The following KLF12 variants were observed in gnomAD, a reference collection of about 807,000 sequenced individuals.
KLF12 encodes KLF transcription factor 12, also known as Krueppel-like factor 12.
Under a neutral mutation model 37.8 loss-of-function variants are expected in KLF12, and 9 were observed. That is an observed-to-expected ratio of 0.24 (90% confidence interval 0.14 to 0.42). KLF12 has a LOEUF of 0.42. KLF12 is among the 10% of genes least tolerant of loss of function. The pLI, the probability that KLF12 is intolerant of heterozygous loss-of-function variation, is 1.00. For synonymous variants in KLF12, 208 were observed against 202.1 expected, an observed-to-expected ratio of 1.03 and a Z score of -0.25; for missense variants, 411 against 516.0, an observed-to-expected ratio of 0.80 and a Z score of 1.97.
the KLF12 span, among the ~76,000 whole-genome samples, chr13:74,228,648 G>T: frequency 9.7e-4 from 148 of 151,954 alleles, 1 homozygote; most frequent in African/African-American, 3.4e-3. Context: ...TATCTATATT[G>T]TCTGAATTCA....
the KLF12 span, among the ~76,000 whole-genome samples, chr13:74,303,109 T>C: frequency 6.6e-6 from 1 of 152,174 alleles, no homozygotes; most frequent in African/African-American, 2.4e-5. Flanking sequence ...AGTGGATGTA[T>C]GGTCATTCTT....
chr13:73,821,461 C>A (rs999647020), intron 4 of KLF12, among the ~76,000 whole-genome samples: 1 of 152,208 alleles, frequency 6.6e-6, no homozygotes, highest in Non-Finnish European at 1.5e-5. Flanking sequence ...TTCCCAGTGA[C>A]CCACGTTCCA....
the KLF12 span, among the ~76,000 whole-genome samples, chr13:74,253,413 A>G: frequency 1.3e-5 from 2 of 152,226 alleles, no homozygotes; most frequent in East Asian, 3.9e-4. Context: ...TGCAATGTAA[A>G]GGACTATTTT....
the KLF12 span, among the ~76,000 whole-genome samples, chr13:74,160,514 C>T: frequency 6.6e-5 from 10 of 152,190 alleles, no homozygotes; most frequent in Admixed American, 5.9e-4. Context: ...CAGATCCAGG[C>T]ACTTCCAGAG....
At chr13:73,785,523 C>A (rs1350189514) in intron 5 of KLF12, among the ~76,000 whole-genome samples, 2 of 152,132 alleles carry the variant, frequency 1.3e-5, no homozygotes, top group Non-Finnish European at 2.9e-5. Context: ...ATTTCCAACT[C>A]CTTATTGGCT....
chr13:73,910,832 G>T lies in KLF12; in HGVS notation c.123+33149C>A, dbSNP rs1356061577. Among the ~76,000 whole-genome samples the T allele has an allele frequency of 2.0e-5, 3 of 152,114 alleles. No individual in the cohort carries two copies. The East Asian group carries it at 5.8e-4, about 29-fold the overall frequency. On this transcript the variant is annotated intron_variant, in intron 3 of 7. Transcript: ENST00000377669. The stretch of plus-strand genomic sequence containing the variant: ...GGGTTAATCCATTCATAGATTAATT[G>T]AATAATTAATGAGTTATTAATGGGT...
intron 3 of KLF12, among the ~76,000 whole-genome samples, chr13:73,935,209 G>C (rs7992314): frequency 1.3e-5 from 2 of 151,488 alleles, no homozygotes; most frequent in Admixed American, 1.3e-4. Flanking sequence ...AGCTGGTCTC[G>C]AACTCCTGAC....
chr13:73,753,956 C>A (rs890900073), intron 6 of KLF12, among the ~76,000 whole-genome samples: 1 of 152,124 alleles, frequency 6.6e-6, no homozygotes, highest in Non-Finnish European at 1.5e-5. Flanking sequence ...CCCTTTTCTC[C>A]TTGAAAGCCA....
chr13:74,040,125 T>TA (rs1418068938), intron 1 of KLF12, among the ~76,000 whole-genome samples: 3 of 152,224 alleles, frequency 2.0e-5, no homozygotes. Flanking sequence ...TTTCAAAACT[T>TA]ATCTGTTAAT....
chr13:73,748,136 A>T (rs1343220185), intron 6 of KLF12, among the ~76,000 whole-genome samples: 1 of 152,204 alleles, frequency 6.6e-6, no homozygotes, highest in Admixed American at 6.5e-5. Flanking sequence ...CCACCAATAT[A>T]ACCAGGCACA....
rs1873666067 is a variant in KLF12, at chr13:73,689,036, T to A, written c.*6454A>T. ...GCAGGTAACGTATCTAAAAATTGCC[T>A]AGTCTATTGCTTGGCACACAGTGTT... On this transcript the variant is annotated 3_prime_UTR_variant, in exon 8 of 8. Transcript: ENST00000377669. 1 of 152,160 alleles carries A rather than the reference T, an allele frequency of 6.6e-6. No homozygotes were observed. The highest frequency in any genetic ancestry group is 1.5e-5 in the Non-Finnish European group (1 of 68,026). The allele number at this position is 152,160 out of a possible 1,614,324, so 9.4% of individuals were successfully genotyped here. A position where few individuals can be genotyped will look rare whatever the true frequency, so the allele number is the denominator to read the frequency against.
intron 1 of KLF12, among the ~76,000 whole-genome samples, chr13:74,064,138 C>CTG (rs1193562761): frequency 3.9e-5 from 6 of 152,308 alleles, no homozygotes. Context: ...CTCTCACTAT[C>CTG]TGTCCATTAC....
At chr13:74,145,683 A>G in the KLF12 span, among the ~76,000 whole-genome samples, 5 of 152,222 alleles carry the variant, frequency 3.3e-5, no homozygotes, top group East Asian at 9.6e-4. Context: ...ATTTAGTAAC[A>G]TGTAATCAAG....
intron 2 of KLF12, among the ~76,000 whole-genome samples, chr13:73,989,563 C>T (rs933043980): frequency 6.6e-6 from 1 of 152,208 alleles, no homozygotes; most frequent in African/African-American, 2.4e-5. Flanking sequence ...TTAAGGGGCA[C>T]TGCTGTCCAA....
the KLF12 span, among the ~76,000 whole-genome samples, chr13:74,206,663 T>C: frequency 4.6e-5 from 7 of 152,234 alleles, no homozygotes; most frequent in Admixed American, 3.3e-4. Context: ...AGAATAAGAA[T>C]GAATGATTCT....
intron 1 of KLF12, among the ~76,000 whole-genome samples, chr13:74,041,691 TACAC>T (rs59315484): frequency 0.11 from 16,179 of 142,228 alleles, 1,151 homozygotes; most frequent in African/African-American, 0.2. Context: ...ATCGCTGATT[TACAC>T]ACACACACAC....
chr13:73,850,569 T>C (rs1230453043), intron 3 of KLF12, among the ~76,000 whole-genome samples: 3 of 152,250 alleles, frequency 2.0e-5, no homozygotes, highest in Non-Finnish European at 4.4e-5. Flanking sequence ...GATACTACTC[T>C]ATCTTTGGAA....
At chr13:74,034,789 T>C (rs891726903) in intron 1 of KLF12, among the ~76,000 whole-genome samples, 2 of 152,248 alleles carry the variant, frequency 1.3e-5, no homozygotes, top group African/African-American at 4.8e-5. Flanking sequence ...CTAGGCAAAC[T>C]GCTGTATTAA....
chr13:73,914,760 G>C (rs1888737574), intron 3 of KLF12, among the ~76,000 whole-genome samples: 1 of 152,102 alleles, frequency 6.6e-6, no homozygotes, highest in Non-Finnish European at 1.5e-5. Flanking sequence ...TAAATGGTCT[G>C]GGTGGGGGGT....
Sources: allele counts gnomAD v4.1 joint callset (sites outside exome capture counted in the v4.1 genomes callset), GRCh38; gene constraint gnomAD v4.1.1; transcripts MANE v1.5; gene names NCBI Gene and HGNC (gene_info 2026-07-23, HGNC 2026-07-21).